Variants in USP9X observed in about 807,000 individuals in gnomAD.
The protein encoded by USP9X is ubiquitin carboxyl-terminal hydrolase 9X.
In USP9X, 7 loss-of-function variants were observed where a neutral mutation model predicts 190.3. That is an observed-to-expected ratio of 0.04 (90% CI 0.02 to 0.07). The LOEUF is 0.07. Ranked by LOEUF, USP9X falls within the 10% of genes least tolerant of loss-of-function variation. The pLI, the probability that USP9X is intolerant of heterozygous loss-of-function variation, is 1.00. For synonymous variants in USP9X, 645 were observed against 659.5 expected, an observed-to-expected ratio of 0.98 and a Z score of 0.34; for missense variants, 1,010 against 1,916.9, an observed-to-expected ratio of 0.53 and a Z score of 8.83.
chrX:41,178,770 CAAA>C (rs2062801367), intron 21 of USP9X, among the ~76,000 whole-genome samples: 2 of 111,543 alleles, frequency 1.8e-5, no homozygotes, highest in Non-Finnish European at 1.9e-5. Context: ...AAGTCTTAGC[CAAA>C]AAGTCCTTGC....
chrX:41,130,062 G>A (rs912985841), intron 3 of USP9X, among the ~76,000 whole-genome samples: 9 of 111,228 alleles, frequency 8.1e-5, no homozygotes, highest in African/African-American at 2.9e-4. Context: ...AAAAATTACT[G>A]TTAACAATCA....
chrX:41,086,148 G>A, intron 1 of USP9X, 39 bp downstream of exon 1: 1 of 296,007 alleles, frequency 3.4e-6, no homozygotes, highest in Non-Finnish European at 5.9e-6. Context: ...CTCTTTCCCG[G>A]GGCCAACAGC....
intron 2 of USP9X, 55 bp downstream of exon 2, chrX:41,123,779 A>G (rs1451042784): frequency 9.1e-7 from 1 of 1,100,806 alleles, no homozygotes; most frequent in Non-Finnish European, 1.2e-6. Context: ...TCAGTGGTTC[A>G]CATCTGTAAT....
At chrX:41,122,313 TTA>T (rs1414729278) in intron 1 of USP9X, among the ~76,000 whole-genome samples, 1 of 111,844 alleles carries the variant, frequency 8.9e-6, no homozygotes, top group Non-Finnish European at 1.9e-5. Flanking sequence ...GCGTCAAAGT[TTA>T]TGTTAAAAGT....
rs1214355707 is a variant in USP9X, at chrX:41,233,591, C to A, written c.*1067C>A. On this transcript the variant is annotated 3_prime_UTR_variant, in exon 45 of 45. Transcript: ENST00000378308. ...CAGTGACGTGGAAGTCATCAGAACC[C>A]CACGGTACTTGGAGTACCTCTCTGC... The A allele has an allele frequency of 8.9e-6, 1 of 111,878 alleles. No individual in the cohort carries two copies. Among genetic ancestry groups the A allele is most frequent in the African/African-American group, 3.3e-5 (1 of 30,711 alleles). The allele number at this position is 111,878 out of a possible 1,213,427, so 9.2% of individuals were successfully genotyped here. A position where few individuals can be genotyped will look rare whatever the true frequency, so the allele number is the denominator to read the frequency against.
At chrX:41,156,307 G>GGT (rs1252633564) in intron 14 of USP9X, among the ~76,000 whole-genome samples, 2 of 111,861 alleles carry the variant, frequency 1.8e-5, no homozygotes, top group Non-Finnish European at 3.8e-5. Flanking sequence ...ACTCCAGGCA[G>GGT]GTGTGACTAA....
intron 1 of USP9X, among the ~76,000 whole-genome samples, chrX:41,086,735 C>T (rs927219566): frequency 1.8e-5 from 2 of 112,535 alleles, no homozygotes; most frequent in Admixed American, 9.3e-5. Flanking sequence ...GCTTTATTTG[C>T]AGAGGGCCAA....
intron 1 of USP9X, among the ~76,000 whole-genome samples, chrX:41,088,064 A>G (rs923962300): frequency 2.7e-5 from 3 of 111,857 alleles, no homozygotes; most frequent in African/African-American, 9.8e-5. Context: ...GCTCACTGCA[A>G]CGTCCACCTC....
At chrX:41,118,687 G>GA (rs957777243) in intron 1 of USP9X, among the ~76,000 whole-genome samples, 12 of 109,947 alleles carry the variant, frequency 1.1e-4, no homozygotes, top group African/African-American at 3.3e-4. Context: ...TTATTTTCGG[G>GA]AAAAAAAACA....
intron 13 of USP9X, among the ~76,000 whole-genome samples, chrX:41,151,749 G>A (rs781110417): frequency 8.9e-6 from 1 of 112,656 alleles, no homozygotes; most frequent in South Asian, 3.6e-4. Context: ...GGGAGGCCGA[G>A]GAGGGCGGAT....
chrX:41,134,340 A>G (rs979477362), intron 4 of USP9X, among the ~76,000 whole-genome samples: 1 of 112,576 alleles, frequency 8.9e-6, no homozygotes, highest in Admixed American at 9.4e-5. Context: ...AAGGAAGACA[A>G]GACATAATTC....
chrX:41,092,879 A>T (rs1308747627), intron 1 of USP9X, among the ~76,000 whole-genome samples: 2 of 105,809 alleles, frequency 1.9e-5, no homozygotes, highest in Non-Finnish European at 3.9e-5. Flanking sequence ...AAGAGCAGTG[A>T]TTTTTTTTTT....
intron 14 of USP9X, among the ~76,000 whole-genome samples, chrX:41,156,414 G>T (rs925055111): frequency 1.8e-5 from 2 of 111,809 alleles, no homozygotes; most frequent in Admixed American, 1.9e-4. Flanking sequence ...CTTTTCAGTC[G>T]TATGTGGCAG....
chrX:41,167,241 G>A (rs754990192), intron 16 of USP9X: 42 of 248,911 alleles, frequency 1.7e-4, no homozygotes, highest in South Asian at 3.5e-4. Flanking sequence ...TGGTCAAAGC[G>A]TATTTTATTT....
intron 1 of USP9X, among the ~76,000 whole-genome samples, chrX:41,089,509 C>CATAT (rs1396055934): frequency 8.9e-6 from 1 of 111,735 alleles, no homozygotes; most frequent in African/African-American, 3.3e-5. Context: ...ATATATCTTC[C>CATAT]AGCGTGCTCA....
At chrX:41,197,074 C>G (rs747254168) in intron 28 of USP9X, among the ~76,000 whole-genome samples, 2 of 112,119 alleles carry the variant, frequency 1.8e-5, no homozygotes, top group East Asian at 5.5e-4. Context: ...GCAGAACTTT[C>G]TACCATAACA....
chrX:41,153,639 C>G (rs2062549944), intron 14 of USP9X, among the ~76,000 whole-genome samples: 1 of 111,977 alleles, frequency 8.9e-6, no homozygotes, highest in African/African-American at 3.3e-5. Context: ...AAGTCTTAGC[C>G]TGCCATGTGT....
At chrX:41,140,522 A>G (rs1471277269) in intron 6 of USP9X, 134 bp from the exon 7 acceptor site, 9 of 452,130 alleles carry the variant, frequency 2.0e-5, no homozygotes, top group Non-Finnish European at 3.3e-5. Context: ...ACAAAATGCA[A>G]TGTTTTGTGG....
intron 21 of USP9X, among the ~76,000 whole-genome samples, chrX:41,181,696 A>AC (rs775368882): frequency 1.8e-5 from 2 of 108,317 alleles, no homozygotes; most frequent in East Asian, 5.8e-4. Flanking sequence ...TGATCCGCCC[A>AC]CCTCCGCCTC....
Sources: gnomAD v4.1 joint callset for allele counts (sites outside exome capture counted in the v4.1 genomes callset) on GRCh38, gnomAD v4.1.1 for gene constraint, MANE v1.5 for transcripts, NCBI Gene and HGNC (gene_info 2026-07-23, HGNC 2026-07-21) for gene names.